BDP1: variants seen among roughly 807,000 people sequenced by gnomAD.
BDP1 encodes transcription factor TFIIIB component B'' homolog.
In BDP1, 169 loss-of-function variants were observed where a neutral mutation model predicts 266.6. The ratio of observed to expected loss-of-function variants is 0.63; its 90% CI spans 0.56 to 0.72. The LOEUF (loss-of-function observed/expected upper bound fraction) is 0.72, where lower values mean the gene tolerates loss of function less well. BDP1 is among the 30% of genes least tolerant of loss of function. The pLI is 0.00. For synonymous variants in BDP1, 1,090 were observed against 1,022.4 expected, an observed-to-expected ratio of 1.07 and a Z score of -1.26; for missense variants, 3,015 against 3,053.8, an observed-to-expected ratio of 0.99 and a Z score of 0.30.
At chr5:71,568,056 C>T (rs915411187), downstream of BDP1, among the ~76,000 whole-genome samples, 10 of 151,928 alleles carry the variant, frequency 6.6e-5, no homozygotes, top group Non-Finnish European at 1.5e-4. Flanking sequence ...ATGAGAGGTT[C>T]GCTTGAGCCC....
chr5:71,564,805 C>T lies in BDP1; in HGVS notation c.7795C>T (p.Arg2599Trp), dbSNP rs777222784. The T allele has an allele frequency of 1.2e-5, 19 of 1,611,162 alleles. No individual in the cohort carries two copies. Among genetic ancestry groups the T allele is most frequent in the Middle Eastern group, 2.2e-4 (1 of 4,546 alleles). ...LKEGYKSAQKRAPQGEATTVS... is the reference protein window; with the variant it reads ...LKEGYKSAQKWAPQGEATTVS... ...AGAAGGATATAAAAGTGCCCAAAAG[C>T]GGGCCCCTCAAGGGGAGGCAACCAC... Residue 2599 changes from arginine (R) to tryptophan (W), a missense_variant, in exon 39 of 39, where the codon CGG becomes TGG. Physicochemically the swap from Arg to Trp is moderately radical, Grantham distance 101 (BLOSUM62 -3). Around this residue, in one of 3 missense-constraint regions of BDP1, gnomAD observed 629 missense variants for 632.5 expected, o/e 0.99. Coordinates refer to ENST00000358731, the MANE Select transcript of BDP1 (RefSeq NM_018429.3).
Position 71,532,419 on chromosome 5 carries a change from G to A in BDP1, c.5884G>A (p.Val1962Ile). 1.2e-6 allele frequency: 2 copies of A among 1,613,156 alleles called. No homozygotes were observed. Among genetic ancestry groups the A allele is most frequent in the Non-Finnish European group, 1.7e-6 (2 of 1,179,540 alleles). Residue 1962 changes from valine (V) to isoleucine (I), a missense_variant, in exon 26 of 39, where the codon GTA becomes ATA. This residue lies in a region of BDP1 where 2,383 missense variants were observed against 2,404.9 expected (regional missense o/e 0.99). Transcript: ENST00000358731. ...AATGAAACAAGAAGAAAATTTGAGT[G>A]TACCGTTTGTAAGCATCCATTTTAA... ...EEMKQEENLS[V>I]PFEMTTSEHI...
At chr5:71,460,379 CAAAA>C (rs946210293) in intron 2 of BDP1, among the ~76,000 whole-genome samples, 1 of 151,490 alleles carries the variant, frequency 6.6e-6, no homozygotes, top group Non-Finnish European at 1.5e-5. Flanking sequence ...GACTCCGTCT[CAAAA>C]AAAACCAACC....
At position 71,525,631 on chromosome 5, in the gene BDP1, C is replaced by T. The variant is rs1232731476; in HGVS notation, c.5772+1308C>T. Among the ~76,000 whole-genome samples, 10 of 117,622 alleles carry T rather than the reference C, an allele frequency of 8.5e-5. No homozygotes were observed. The East Asian group carries it at 1.4e-3, about 16-fold the overall frequency. 77.2% of individuals were successfully genotyped at this position (117,622 alleles called of 152,430 possible). The stretch of plus-strand genomic sequence containing the variant: ...TTCCCGGACGGGGCGGCTGGCCGGG[C>T]GGGGGGCTGACCCCCCCACCTCCCT... On this transcript the variant is annotated intron_variant, in intron 25 of 38. Coordinates refer to ENST00000358731, the MANE Select transcript of BDP1 (RefSeq NM_018429.3).
intron 28 of BDP1, among the ~76,000 whole-genome samples, chr5:71,539,900 A>C (rs766601444): frequency 6.6e-6 from 1 of 152,098 alleles, no homozygotes; most frequent in Non-Finnish European, 1.5e-5. Flanking sequence ...AGTTGTATGC[A>C]TGGAATAGTT....
chr5:71,540,071 A>G (rs1391986007), intron 28 of BDP1, among the ~76,000 whole-genome samples: 1 of 152,198 alleles, frequency 6.6e-6, no homozygotes. Context: ...GCACAAAGAG[A>G]CAATAGCACT....
intron 7 of BDP1, among the ~76,000 whole-genome samples, chr5:71,480,517 A>G (rs1762886525): frequency 6.6e-6 from 1 of 150,514 alleles, no homozygotes; most frequent in Non-Finnish European, 1.5e-5. Context: ...TGATCCACCT[A>G]TCTTGGCCTC....
At chr5:71,489,809 T>C (rs987076775) in intron 10 of BDP1, 127 bp downstream of exon 10, 3 of 745,552 alleles carry the variant, frequency 4.0e-6, no homozygotes, top group Non-Finnish European at 6.5e-6. Flanking sequence ...TCTGTACTAA[T>C]GGTACTGTGC....
chr5:71,560,757 C>T lies in BDP1; in HGVS notation c.7496+520C>T, dbSNP rs114644636. On this transcript the variant is annotated intron_variant, in intron 37 of 38. Transcript: ENST00000358731. ...TCAATAATTATTGGCTTGTCAGCAG[C>T]ATCCAGAAGATTAATGTGGTGTTGC... 4.1e-3 allele frequency among the ~76,000 whole-genome samples: 630 copies of T among 152,334 alleles called. 10 individuals are homozygous for T. The highest frequency in any genetic ancestry group is 0.014 in the African/African-American group (589 of 41,576).
intron 32 of BDP1, among the ~76,000 whole-genome samples, chr5:71,546,639 A>C (rs13173519): frequency 3.3e-5 from 5 of 151,104 alleles, no homozygotes; most frequent in South Asian, 4.2e-4. Flanking sequence ...AAAAAAAAAA[A>C]AAAAAACCAA....
chr5:71,535,563 C>T (rs772629914), intron 26 of BDP1, among the ~76,000 whole-genome samples: 5 of 152,104 alleles, frequency 3.3e-5, no homozygotes, highest in African/African-American at 4.8e-5. Flanking sequence ...TAGCTTATAA[C>T]CACAGAGAAT....
Position 71,489,391 on chromosome 5 carries a change from C to A in BDP1, c.1214-13C>A, listed in dbSNP as rs771414705. ...GTTGTTTAAATATTTATAGTAATTT[C>A]TCTTGTTTTCAGTGAAAAAAGTTGC... On this transcript the variant is annotated splice_polypyrimidine_tract_variant and intron_variant, in intron 9 of 38. Transcript: ENST00000358731. 1.2e-5 allele frequency: 19 copies of A among 1,568,744 alleles called. No homozygotes were observed. The highest frequency in any genetic ancestry group is 2.1e-5 in the Admixed American group (1 of 48,218).
At chr5:71,544,891 A>G in intron 31 of BDP1, 148 bp from the exon 32 acceptor site, 1 of 672,440 alleles carries the variant, frequency 1.5e-6, no homozygotes, top group East Asian at 2.8e-5. Context: ...AAAAAAAAAA[A>G]AAAAAAAAAA....
chr5:71,481,738 T>C (rs960217413), intron 7 of BDP1, among the ~76,000 whole-genome samples: 1 of 152,150 alleles, frequency 6.6e-6, no homozygotes, highest in Non-Finnish European at 1.5e-5. Context: ...AGAAAATAAT[T>C]TGAATTACTA....
chr5:71,526,683 C>G lies in BDP1; in HGVS notation c.5772+2360C>G, dbSNP rs1473204748. ...AACATAAAATTTACTATCTCTCTCT[C>G]TGTTTTTTTTTTTTTTTTTTTAAAG... On this transcript the variant is annotated intron_variant, in intron 25 of 38. Transcript: ENST00000358731. Among the ~76,000 whole-genome samples, 183 of 135,966 alleles carry G rather than the reference C, an allele frequency of 1.3e-3. 1 individual carries two copies. The highest frequency in any genetic ancestry group is 4.8e-3 in the African/African-American group (179 of 37,418). The allele number at this position is 135,966 out of a possible 152,430, so 89.2% of individuals were successfully genotyped here.
At chr5:71,511,421 C>T in intron 17 of BDP1, 1 of 349,780 alleles carries the variant, frequency 2.9e-6, no homozygotes, top group Non-Finnish European at 5.1e-6. Flanking sequence ...AGTTTGAGAC[C>T]AGCCTGGGCA....
At chr5:71,558,623 C>T (rs1487735672) in intron 36 of BDP1, among the ~76,000 whole-genome samples, 4 of 150,280 alleles carry the variant, frequency 2.7e-5, no homozygotes, top group African/African-American at 4.9e-5. Flanking sequence ...GTCAGGAGTT[C>T]GAGACCAGCC....
intron 7 of BDP1, among the ~76,000 whole-genome samples, chr5:71,472,430 C>T (rs1247290591): frequency 6.6e-6 from 1 of 152,200 alleles, no homozygotes; most frequent in Non-Finnish European, 1.5e-5. Context: ...CACTGCACTC[C>T]AGTCTGTGCA....
At chr5:71,550,459 A>T (rs1199907343) in intron 34 of BDP1, among the ~76,000 whole-genome samples, 2 of 27,808 alleles carry the variant, frequency 7.2e-5, no homozygotes, top group Middle Eastern at 0.02. Context: ...TAGCTAATTA[A>T]AAAAAAATTT....
Sources: gnomAD v4.1 joint callset for allele counts (sites outside exome capture counted in the v4.1 genomes callset) on GRCh38, gnomAD v4.1.1 for gene constraint, gnomAD v4.1.1 regional missense constraint, MANE v1.5 for transcripts, NCBI Gene and HGNC (gene_info 2026-07-23, HGNC 2026-07-21) for gene names.